LRP1B: variants seen among roughly 807,000 people sequenced by gnomAD.
The protein encoded by LRP1B is LDL receptor related protein 1B.
A neutral mutation model predicts 556.6 loss-of-function variants in LRP1B; 217 were observed. That is an observed-to-expected ratio of 0.39 (90% CI 0.35 to 0.44). LRP1B has a LOEUF of 0.44. LRP1B is among the 20% of genes least tolerant of loss of function. LRP1B has a pLI of 1.00. For synonymous variants in LRP1B, 2,047 were observed against 1,865.8 expected, an observed-to-expected ratio of 1.10 and a Z score of -2.50; for missense variants, 5,053 against 5,620.8, an observed-to-expected ratio of 0.90 and a Z score of 3.23.
intron 3 of LRP1B, among the ~76,000 whole-genome samples, chr2:141,433,856 C>T (rs1680659229): frequency 6.7e-6 from 1 of 148,794 alleles, no homozygotes. Context: ...TTTTTCTGTC[C>T]CTTTCTCTTT....
intron 2 of LRP1B, among the ~76,000 whole-genome samples, chr2:141,630,437 C>T (rs1315484335): frequency 6.6e-6 from 1 of 152,220 alleles, no homozygotes; most frequent in Non-Finnish European, 1.5e-5. Flanking sequence ...TTCTTTACAT[C>T]TTGAACTACC....
At chr2:140,648,079 C>T (rs1684547862) in intron 41 of LRP1B, among the ~76,000 whole-genome samples, 2 of 152,126 alleles carry the variant, frequency 1.3e-5, no homozygotes, top group African/African-American at 4.8e-5. Flanking sequence ...GAAAATGTGG[C>T]ACATATATAC....
intron 1 of LRP1B, among the ~76,000 whole-genome samples, chr2:141,981,682 T>C (rs539127639): frequency 2.0e-5 from 3 of 152,158 alleles, no homozygotes; most frequent in Non-Finnish European, 4.4e-5. Flanking sequence ...ATGTTTACTC[T>C]TTTTTCTTGA....
intron 55 of LRP1B, among the ~76,000 whole-genome samples, chr2:140,499,811 A>C (rs905003854): frequency 6.6e-6 from 1 of 152,012 alleles, no homozygotes; most frequent in Non-Finnish European, 1.5e-5. Flanking sequence ...ACACCACTGT[A>C]TAAGCAGCAC....
chr2:140,355,235 G>T (rs997488018), intron 75 of LRP1B, among the ~76,000 whole-genome samples: 1 of 151,778 alleles, frequency 6.6e-6, no homozygotes, highest in Non-Finnish European at 1.5e-5. Context: ...ACAAATATTA[G>T]AAAATAAATG....
intron 7 of LRP1B, among the ~76,000 whole-genome samples, chr2:141,161,796 T>C (rs1439845272): frequency 6.6e-6 from 1 of 152,114 alleles, no homozygotes; most frequent in African/African-American, 2.4e-5. Flanking sequence ...TGCTCAGCTA[T>C]GACACAAGCT....
rs1421453867 is a variant in LRP1B, at chr2:141,247,259, G to T, written c.559C>A (p.Gln187Lys). ...TCSCVEGYLM[Q>K]PDNRSCKAKI... ...GCCTTGCAAGATCTGTTGTCTGGCTGCATTAGGTAGCCTTCCACACAACTG... is the reference window on the plus strand; with the variant it reads ...GCCTTGCAAGATCTGTTGTCTGGCTTCATTAGGTAGCCTTCCACACAACTG... Residue 187 changes from glutamine (Q) to lysine (K), a missense_variant, in exon 5 of 91, where the codon CAG becomes AAG. Physicochemically the swap from Gln to Lys is moderately conservative, Grantham distance 53 (BLOSUM62 1). Around this residue, in one of 5 missense-constraint regions of LRP1B, gnomAD observed 3,619 missense variants for 3,931.9 expected, o/e 0.92. Coordinates refer to ENST00000389484, the MANE Select transcript of LRP1B (RefSeq NM_018557.3). 1 of 1,613,580 alleles carries T rather than the reference G, an allele frequency of 6.2e-7. No homozygotes were observed. The highest frequency in any genetic ancestry group is 8.5e-7 in the Non-Finnish European group (1 of 1,179,724).
chr2:141,139,119 G>T (rs2105049421), intron 7 of LRP1B, among the ~76,000 whole-genome samples: 1 of 151,782 alleles, frequency 6.6e-6, no homozygotes, highest in Non-Finnish European at 1.5e-5. Context: ...TTCAACAAAT[G>T]GTGCTGGAAA....
intron 43 of LRP1B, among the ~76,000 whole-genome samples, chr2:140,546,238 T>G (rs1439393305): frequency 2.0e-5 from 3 of 152,030 alleles, no homozygotes; most frequent in Non-Finnish European, 2.9e-5. Context: ...AACAAGGATA[T>G]TTTGATTTCC....
intron 4 of LRP1B, among the ~76,000 whole-genome samples, 154 bp downstream of exon 4, chr2:141,254,368 T>A (rs1039784073): frequency 2.0e-5 from 3 of 152,168 alleles, no homozygotes; most frequent in Non-Finnish European, 2.9e-5. Flanking sequence ...ATAATGTTTA[T>A]GTTTTTGTTG....
At chr2:140,805,291 T>A (rs1405469572) in intron 32 of LRP1B, among the ~76,000 whole-genome samples, 1 of 152,194 alleles carries the variant, frequency 6.6e-6, no homozygotes. Flanking sequence ...ATAGAAAAAT[T>A]TAGCAGAGAG....
intron 2 of LRP1B, among the ~76,000 whole-genome samples, chr2:141,698,137 A>G (rs1051097254): frequency 1.3e-5 from 2 of 151,900 alleles, no homozygotes; most frequent in East Asian, 1.9e-4. Context: ...ATTCCCAAGC[A>G]CATTTAAACT....
intron 72 of LRP1B, 99 bp downstream of exon 72, chr2:140,364,562 T>G (rs1232215466): frequency 1.5e-6 from 2 of 1,376,738 alleles, no homozygotes. Context: ...AACCCCAGGA[T>G]GGTATAATTG....
chr2:141,261,726 C>T (rs1460959176), intron 3 of LRP1B, among the ~76,000 whole-genome samples: 6 of 117,132 alleles, frequency 5.1e-5, no homozygotes, highest in Non-Finnish European at 9.9e-5. Context: ...GGTAGTTCTC[C>T]CTTTTTGGTT....
intron 11 of LRP1B, among the ~76,000 whole-genome samples, chr2:141,043,037 C>CAAAAAAAAAAAA (rs57176510): frequency 1.6e-5 from 2 of 122,068 alleles, no homozygotes; most frequent in Non-Finnish European, 3.3e-5. Context: ...ACAAAAAATA[C>CAAAAAAAAAAAA]AAAAAAAAAA....
At chr2:140,352,186 CT>C (rs1217277532) in intron 76 of LRP1B, among the ~76,000 whole-genome samples, 1 of 151,808 alleles carries the variant, frequency 6.6e-6, no homozygotes, top group East Asian at 1.9e-4. Context: ...GTTTGTTTTT[CT>C]TTTTTTGAGA....
chr2:141,268,962 C>T (rs146807441), intron 3 of LRP1B, among the ~76,000 whole-genome samples: 1 of 152,208 alleles, frequency 6.6e-6, no homozygotes, highest in Admixed American at 6.5e-5. Context: ...CCAAGAAGAC[C>T]AAAGTCAACC....
chr2:140,534,661 A>G (rs1011025037), intron 46 of LRP1B, among the ~76,000 whole-genome samples: 1 of 152,162 alleles, frequency 6.6e-6, no homozygotes, highest in Admixed American at 6.6e-5. Context: ...TTCCCTGAGA[A>G]AGAATTACCT....
At chr2:140,943,901 G>A (rs1425050569) in intron 20 of LRP1B, among the ~76,000 whole-genome samples, 2 of 151,922 alleles carry the variant, frequency 1.3e-5, no homozygotes, top group Admixed American at 6.6e-5. Flanking sequence ...GCTAGCAGAA[G>A]AAAAGAAATA....
Sources: gnomAD v4.1 joint callset for allele counts (sites outside exome capture counted in the v4.1 genomes callset) on GRCh38, gnomAD v4.1.1 for gene constraint, gnomAD v4.1.1 regional missense constraint, MANE v1.5 for transcripts, NCBI Gene and HGNC (gene_info 2026-07-23, HGNC 2026-07-21) for gene names.